The following KCNIP4 variants were observed in gnomAD, a reference collection of about 807,000 sequenced individuals.
KCNIP4 encodes Kv channel-interacting protein 4.
KCNIP4 carries 12 observed loss-of-function variants against 34.0 expected under a neutral mutation model. That is an observed-to-expected ratio of 0.35 (90% CI 0.23 to 0.57). The LOEUF (loss-of-function observed/expected upper bound fraction) is 0.57. Among genes scored for constraint, KCNIP4 ranks in the 20% least tolerant of loss-of-function variants. KCNIP4 has a pLI of 0.83. For missense variants in KCNIP4, 238 were observed against 311.7 expected, an observed-to-expected ratio of 0.76 and a Z score of 1.78; for synonymous variants, 124 against 102.2, an observed-to-expected ratio of 1.21 and a Z score of -1.29.
intron 1 of KCNIP4, among the ~76,000 whole-genome samples, chr4:21,057,035 A>G (rs1157636207): frequency 6.6e-6 from 1 of 152,114 alleles, no homozygotes; most frequent in Non-Finnish European, 1.5e-5. Context: ...ATATTCCTAC[A>G]TTTCACAGTG....
intron 1 of KCNIP4, among the ~76,000 whole-genome samples, chr4:21,022,151 T>C (rs1740129995): frequency 6.6e-6 from 1 of 152,172 alleles, no homozygotes; most frequent in African/African-American, 2.4e-5. Context: ...ACCCAAGCAT[T>C]GTTATGCAGC....
intron 1 of KCNIP4, among the ~76,000 whole-genome samples, chr4:21,014,876 A>G (rs1307772373): frequency 6.6e-6 from 1 of 152,222 alleles, no homozygotes; most frequent in African/African-American, 2.4e-5. Context: ...CCATTGATGG[A>G]TGAAGGGATA....
chr4:20,757,653 G>A (rs532620386), intron 4 of KCNIP4, among the ~76,000 whole-genome samples: 4 of 152,124 alleles, frequency 2.6e-5, no homozygotes, highest in Middle Eastern at 6.8e-3. Flanking sequence ...CTTTTAAAGC[G>A]GGAAGACATC....
chr4:21,062,007 T>C (rs1227701008), intron 1 of KCNIP4, among the ~76,000 whole-genome samples: 1 of 152,196 alleles, frequency 6.6e-6, no homozygotes, highest in Non-Finnish European at 1.5e-5. Flanking sequence ...GATCTTTGAC[T>C]TCCAGCCTCT....
chr4:21,389,484 G>C (rs773414376), intron 1 of KCNIP4, among the ~76,000 whole-genome samples: 10 of 119,682 alleles, frequency 8.4e-5, no homozygotes, highest in Non-Finnish European at 6.4e-5. Context: ...CCCAGTGTGT[G>C]ATGTTCCTCT....
chr4:21,107,962 G>A (rs1228235288), intron 1 of KCNIP4, among the ~76,000 whole-genome samples: 1 of 151,426 alleles, frequency 6.6e-6, no homozygotes, highest in African/African-American at 2.5e-5. Context: ...TTTCTGCCGA[G>A]AAATCTGCTG....
intron 1 of KCNIP4, among the ~76,000 whole-genome samples, chr4:21,768,621 C>T (rs1718574474): frequency 6.6e-6 from 1 of 152,142 alleles, no homozygotes; most frequent in Non-Finnish European, 1.5e-5. Context: ...AATCTATACA[C>T]ATCCACTCTT....
intron 3 of KCNIP4, among the ~76,000 whole-genome samples, chr4:20,780,341 G>A (rs971237896): frequency 4.6e-5 from 7 of 152,108 alleles, no homozygotes; most frequent in African/African-American, 1.4e-4. Context: ...GAAAATAATG[G>A]CATTTAAAGA....
intron 1 of KCNIP4, among the ~76,000 whole-genome samples, chr4:21,438,709 C>A (rs1375136512): frequency 6.6e-6 from 1 of 152,054 alleles, no homozygotes; most frequent in African/African-American, 2.4e-5. Context: ...AATTTAAGTT[C>A]ATTTACATAA....
chr4:20,736,739 C>T (rs571675939), intron 5 of KCNIP4, among the ~76,000 whole-genome samples: 1 of 152,280 alleles, frequency 6.6e-6, no homozygotes, highest in African/African-American at 2.4e-5. Context: ...AACCCTTCCA[C>T]TTAAGCAAAT....
At chr4:21,833,076 C>CA (rs1723097096) in intron 1 of KCNIP4, among the ~76,000 whole-genome samples, 1 of 150,288 alleles carries the variant, frequency 6.7e-6, no homozygotes, top group Non-Finnish European at 1.5e-5. Flanking sequence ...TTTATAGCAG[C>CA]ATGATTTATA....
intron 1 of KCNIP4, among the ~76,000 whole-genome samples, chr4:21,515,313 A>C (rs574457122): frequency 6.6e-6 from 1 of 152,190 alleles, no homozygotes; most frequent in Non-Finnish European, 1.5e-5. Flanking sequence ...CATGTGTTGG[A>C]AACTTAATTC....
chr4:21,137,694 TA>T (rs1751605856), intron 1 of KCNIP4, among the ~76,000 whole-genome samples: 1 of 152,100 alleles, frequency 6.6e-6, no homozygotes. Flanking sequence ...AAAAACATGG[TA>T]AAATACAGTT....
At chr4:21,269,287 G>C (rs1038548194) in intron 1 of KCNIP4, among the ~76,000 whole-genome samples, 1 of 152,214 alleles carries the variant, frequency 6.6e-6, no homozygotes, top group Non-Finnish European at 1.5e-5. Flanking sequence ...GACAGAGTTT[G>C]CCTATTGACT....
intron 1 of KCNIP4, among the ~76,000 whole-genome samples, chr4:21,435,103 A>G (rs1726833777): frequency 6.6e-6 from 1 of 152,210 alleles, no homozygotes; most frequent in South Asian, 2.1e-4. Context: ...TCTAAAGGAG[A>G]TTGGCCCTTT....
chr4:21,038,157 T>C (rs921487660), intron 1 of KCNIP4, among the ~76,000 whole-genome samples: 2 of 152,114 alleles, frequency 1.3e-5, no homozygotes, highest in African/African-American at 4.8e-5. Context: ...TTTTTATTTT[T>C]AGTAGAGAAG....
chr4:21,145,514 G>T (rs1229998563), intron 1 of KCNIP4, among the ~76,000 whole-genome samples: 2 of 152,192 alleles, frequency 1.3e-5, no homozygotes, highest in Non-Finnish European at 2.9e-5. Flanking sequence ...TCAACTGCAT[G>T]AAAAGTGACC....
intron 1 of KCNIP4, among the ~76,000 whole-genome samples, chr4:20,923,700 A>C (rs1269230506): frequency 6.6e-6 from 1 of 152,176 alleles, no homozygotes; most frequent in Non-Finnish European, 1.5e-5. Context: ...ACAAAACAAT[A>C]AGTTCAGAAG....
At chr4:21,768,634 T>C (rs1162418350) in intron 1 of KCNIP4, among the ~76,000 whole-genome samples, 1 of 152,170 alleles carries the variant, frequency 6.6e-6, no homozygotes, top group Non-Finnish European at 1.5e-5. Context: ...CCACTCTTAG[T>C]TGGTGTTACA....
Sources: allele counts gnomAD v4.1 joint callset (sites outside exome capture counted in the v4.1 genomes callset), GRCh38; gene constraint gnomAD v4.1.1; transcripts MANE v1.5; gene names NCBI Gene and HGNC (gene_info 2026-07-23, HGNC 2026-07-21).